Variants in TRMT2B observed in about 807,000 individuals in gnomAD.
TRMT2B encodes tRNA methyltransferase 2B.
Under a neutral mutation model 39.7 loss-of-function variants are expected in TRMT2B, and 34 were observed. That is an observed-to-expected ratio of 0.86 (90% CI 0.65 to 1.14). The LOEUF (loss-of-function observed/expected upper bound fraction) is 1.14. Ranked by LOEUF, TRMT2B falls within the 50% of genes most tolerant of loss-of-function variation. The pLI is 0.00. For missense variants in TRMT2B, 318 were observed against 377.2 expected (o/e 0.84, Z 1.30); for synonymous variants, 132 against 137.3 (o/e 0.96, Z 0.27).
the TRMT2B span, among the ~76,000 whole-genome samples, chrX:100,997,615 C>G: frequency 2.7e-5 from 3 of 111,967 alleles, no homozygotes; most frequent in South Asian, 1.1e-3. Context: ...CTGAGCCACT[C>G]TACCCAGAAG....
intron 4 of TRMT2B, among the ~76,000 whole-genome samples, chrX:101,040,556 T>A (rs1041949639): frequency 1.8e-5 from 2 of 111,502 alleles, no homozygotes; most frequent in African/African-American, 6.5e-5. Context: ...TAAGTAAACA[T>A]GAAATTTTCA....
At chrX:100,973,808 T>C in the TRMT2B span, 1 of 1,088,881 alleles carries the variant, frequency 9.2e-7, no homozygotes, top group Non-Finnish European at 1.3e-6. Context: ...AATCTGCCCA[T>C]AGTCCCTCAA....
At chrX:100,990,785 AG>A in the TRMT2B span, 1 of 404,302 alleles carries the variant, frequency 2.5e-6, no homozygotes. Flanking sequence ...TAAGGTTCTT[AG>A]GCAGAAAAGG....
intron 2 of TRMT2B, among the ~76,000 whole-genome samples, chrX:101,045,941 T>G (rs1201020243): frequency 9.2e-6 from 1 of 108,913 alleles, no homozygotes; most frequent in East Asian, 2.9e-4. Context: ...AGGTCAGCAG[T>G]TCGAGACCAG....
chrX:101,001,824 C>CAAAA, the TRMT2B span, among the ~76,000 whole-genome samples: 1 of 59,957 alleles, frequency 1.7e-5, no homozygotes, highest in Non-Finnish European at 3.0e-5. Flanking sequence ...AAGTGATATT[C>CAAAA]AAAAAAAAAA....
At chrX:100,982,798 G>A in the TRMT2B span, among the ~76,000 whole-genome samples, 1 of 109,944 alleles carries the variant, frequency 9.1e-6, no homozygotes, top group Admixed American at 9.8e-5. Context: ...TGGGACTACA[G>A]GTGTGTAGCA....
At chrX:100,988,350 T>C in the TRMT2B span, 2 of 1,205,069 alleles carry the variant, frequency 1.7e-6, no homozygotes, top group Non-Finnish European at 1.1e-6. Context: ...CAACTAACTT[T>C]CCCCCCCATC....
At chrX:101,020,843 A>C (rs2086766483) in intron 10 of TRMT2B, among the ~76,000 whole-genome samples, 4 of 110,826 alleles carry the variant, frequency 3.6e-5, no homozygotes, top group African/African-American at 1.3e-4. Context: ...CTAATTTTTA[A>C]ATTTTTTGTA....
At chrX:101,018,204 T>C (rs944706888) in intron 13 of TRMT2B, among the ~76,000 whole-genome samples, 1 of 110,613 alleles carries the variant, frequency 9.0e-6, no homozygotes, top group Non-Finnish European at 1.9e-5. Flanking sequence ...TAGCCAGGTG[T>C]GGTGGTGTGC....
chrX:101,021,172 A>G lies in TRMT2B; in HGVS notation c.995T>C (p.Leu332Pro). ...FQINTAGAEM[L>P]YRTVGELTGV... is the part of the protein sequence containing the mutation. ...AGTCAGCTCCCCCACAGTCCGATAC[A>G]GCATCTCTGCACCAGCTGTGTTAAT... is the stretch of plus-strand genomic sequence containing the variant. The change falls in exon 10 of 14, where the codon CTG (leucine) becomes CCG (proline). Residue 332 changes from leucine to proline, a missense_variant. Coordinates refer to ENST00000372936, the MANE Select transcript of TRMT2B (RefSeq NM_024917.6). The G allele has an allele frequency of 8.3e-7, 1 of 1,211,471 alleles. No homozygotes were observed. The highest frequency in any genetic ancestry group is 1.1e-6 in the Non-Finnish European group (1 of 895,392).
chrX:101,040,925 C>T (rs1418573902), intron 4 of TRMT2B, among the ~76,000 whole-genome samples: 1 of 111,771 alleles, frequency 8.9e-6, no homozygotes, highest in Non-Finnish European at 1.9e-5. Context: ...ACTGTCCAGT[C>T]AAGGCCCGGC....
chrX:101,022,492 G>A (rs1197998029), intron 8 of TRMT2B, among the ~76,000 whole-genome samples: 1 of 110,614 alleles, frequency 9.0e-6, no homozygotes, highest in Non-Finnish European at 1.9e-5. Flanking sequence ...GTGCTGGCAC[G>A]TGCCTGTAAT....
At chrX:101,000,067 G>C in the TRMT2B span, among the ~76,000 whole-genome samples, 1 of 110,678 alleles carries the variant, frequency 9.0e-6, no homozygotes, top group Non-Finnish European at 1.9e-5. Flanking sequence ...GAGGATAACT[G>C]TTCTACTTTA....
downstream of TRMT2B, among the ~76,000 whole-genome samples, chrX:101,007,487 A>C (rs759590207): frequency 9.0e-6 from 1 of 110,524 alleles, no homozygotes; most frequent in Non-Finnish European, 1.9e-5. Flanking sequence ...CCTCTACTAA[A>C]AATACAAAAA....
the TRMT2B span, chrX:100,973,888 G>C: frequency 1.4e-6 from 1 of 704,761 alleles, no homozygotes; most frequent in Middle Eastern, 4.2e-4. Flanking sequence ...TGGGGGCAGG[G>C]TTGAGGAGGG....
At chrX:100,985,844 G>A in the TRMT2B span, 25 of 1,209,635 alleles carry the variant, frequency 2.1e-5, no homozygotes, top group East Asian at 1.2e-4. Context: ...GACATAAGAC[G>A]CATGCAGGAA....
downstream of TRMT2B, among the ~76,000 whole-genome samples, chrX:101,008,248 G>A (rs1339356067): frequency 1.8e-5 from 2 of 111,732 alleles, no homozygotes; most frequent in African/African-American, 6.5e-5. Flanking sequence ...ATTGCCATTT[G>A]CTGATACAGG....
chrX:101,035,549 G>A, intron 7 of TRMT2B, 64 bp downstream of exon 7: 4 of 988,926 alleles, frequency 4.0e-6, no homozygotes, highest in Non-Finnish European at 1.4e-6. Context: ...AAAATGTCAG[G>A]GATGTTGCTG....
chrX:100,985,180 G>A, the TRMT2B span, among the ~76,000 whole-genome samples: 6 of 112,226 alleles, frequency 5.3e-5, no homozygotes, highest in East Asian at 1.1e-3. Context: ...CAGGGCAAGA[G>A]AGAGCAAGAC....
Sources: allele counts gnomAD v4.1 joint callset (sites outside exome capture counted in the v4.1 genomes callset), GRCh38; gene constraint gnomAD v4.1.1; transcripts MANE v1.5; gene names NCBI Gene and HGNC (gene_info 2026-07-23, HGNC 2026-07-21).